The following LRP1B variants were observed in gnomAD, a reference collection of about 807,000 sequenced individuals.
The protein encoded by LRP1B is LDL receptor related protein 1B.
Under a neutral mutation model 556.6 loss-of-function variants are expected in LRP1B, and 217 were observed. That is an observed-to-expected ratio of 0.39 (90% CI 0.35 to 0.44). The LOEUF is 0.44. LRP1B is among the 20% of genes least tolerant of loss of function. LRP1B has a pLI of 1.00. For missense variants in LRP1B, 5,053 were observed against 5,620.8 expected, an observed-to-expected ratio of 0.90 and a Z score of 3.23; for synonymous variants, 2,047 against 1,865.8, an observed-to-expected ratio of 1.10 and a Z score of -2.50.
rs1682380581 is a variant in LRP1B at position 140,359,014 on chromosome 2, TTTTTC to T, written c.11132-73_11132-69del. On this transcript the variant is annotated intron_variant, in intron 72 of 90. Transcript: ENST00000389484. ...ATTGCTTTATGAAGAACATTCTTCC[TTTTTC>T]TTTTATTCTTTTCAAATCCATAAGC... is the stretch of plus-strand genomic sequence containing the variant. 6 of 1,459,614 alleles carry T rather than the reference TTTTTC, an allele frequency of 4.1e-6. No individual in the cohort carries two copies. In the South Asian group the frequency reaches 7.5e-5, roughly 18 times the overall value. The allele number at this position is 1,459,614 out of a possible 1,614,324, so 90.4% of individuals were successfully genotyped here.
intron 1 of LRP1B, among the ~76,000 whole-genome samples, chr2:141,847,748 G>A (rs953942299): frequency 8.6e-5 from 13 of 151,430 alleles, no homozygotes; most frequent in Admixed American, 3.3e-4. Flanking sequence ...AGTACAGAGA[G>A]GAAATTCTCT....
At chr2:141,665,681 T>G (rs997024544) in intron 2 of LRP1B, among the ~76,000 whole-genome samples, 1 of 152,064 alleles carries the variant, frequency 6.6e-6, no homozygotes, top group Non-Finnish European at 1.5e-5. Context: ...TCAACGCAAA[T>G]GCGCATCAAT....
intron 41 of LRP1B, among the ~76,000 whole-genome samples, chr2:140,661,243 T>C (rs950919514): frequency 2.0e-5 from 3 of 152,024 alleles, no homozygotes; most frequent in Admixed American, 6.6e-5. Context: ...GATAGGGATA[T>C]AAAATGAAAA....
At chr2:140,522,523 GA>G (rs1297610936) in intron 49 of LRP1B, among the ~76,000 whole-genome samples, 1 of 151,290 alleles carries the variant, frequency 6.6e-6, no homozygotes, top group Non-Finnish European at 1.5e-5. Flanking sequence ...ACCAAGGAAA[GA>G]AAAAAACTAA....
At chr2:140,869,203 C>A (rs969920848) in intron 25 of LRP1B, among the ~76,000 whole-genome samples, 1 of 152,266 alleles carries the variant, frequency 6.6e-6, no homozygotes, top group Admixed American at 6.5e-5. Context: ...TCCCCTCTTG[C>A]TGTTGAGAGC....
chr2:141,095,960 C>G (rs79518382), intron 7 of LRP1B, among the ~76,000 whole-genome samples: 1 of 152,092 alleles, frequency 6.6e-6, no homozygotes, highest in Non-Finnish European at 1.5e-5. Context: ...ATTCCCCAAA[C>G]TATTCTACTA....
intron 5 of LRP1B, among the ~76,000 whole-genome samples, chr2:141,233,270 A>G (rs1683536948): frequency 6.6e-6 from 1 of 152,208 alleles, no homozygotes; most frequent in Non-Finnish European, 1.5e-5. Flanking sequence ...AACTTAGAGA[A>G]CCAAGACTTT....
chr2:142,079,109 T>C (rs796119867), intron 1 of LRP1B, among the ~76,000 whole-genome samples: 2 of 152,148 alleles, frequency 1.3e-5, no homozygotes, highest in Non-Finnish European at 2.9e-5. Flanking sequence ...TTTTGCAAAA[T>C]AGAAATTACC....
intron 59 of LRP1B, among the ~76,000 whole-genome samples, chr2:140,484,669 A>C (rs896996920): frequency 6.6e-6 from 1 of 152,302 alleles, no homozygotes; most frequent in Non-Finnish European, 1.5e-5. Context: ...CATAATTGAA[A>C]GTGAATTATA....
At chr2:141,640,983 G>A (rs1420217039) in intron 2 of LRP1B, among the ~76,000 whole-genome samples, 1 of 152,100 alleles carries the variant, frequency 6.6e-6, no homozygotes, top group Non-Finnish European at 1.5e-5. Context: ...ACTAGTATAT[G>A]CCCAACGTCT....
rs560884722 is a variant in LRP1B at position 140,698,301 on chromosome 2, C to T, written c.6799+1949G>A. Among the ~76,000 whole-genome samples, 13 of 152,108 alleles carry T rather than the reference C, an allele frequency of 8.5e-5. No individual in the cohort carries two copies. The South Asian group carries it at 2.3e-3, about 27-fold the overall frequency. ...TTATACTCTTAATCATTACTGAAGA[C>T]TCCAGAGTCTGTGTATGTGGGTCAT... On this transcript the variant is annotated intron_variant, in intron 41 of 90. Transcript: ENST00000389484.
intron 35 of LRP1B, among the ~76,000 whole-genome samples, chr2:140,762,669 A>G (rs16844632): frequency 0.04 from 6,051 of 152,170 alleles, 406 homozygotes; most frequent in African/African-American, 0.14. Context: ...TGTTGCCCTT[A>G]GATAAAAATA....
chr2:140,494,074 T>TA (rs978396977), intron 56 of LRP1B, among the ~76,000 whole-genome samples: 2 of 152,204 alleles, frequency 1.3e-5, no homozygotes, highest in Non-Finnish European at 2.9e-5. Flanking sequence ...ATTTCATTTT[T>TA]AAAAAATCTC....
Position 140,351,011 on chromosome 2 carries a change from G to C in LRP1B, c.11678C>G (p.Ala3893Gly), listed in dbSNP as rs1681933853. ...AAAACCCAGGATATCAGTGTCATTA[G>C]CAATGTAGAGAACTTGATCTTCAGA... ...EGSEDQVLYI[A>G]NDTDILGFIY... Residue 3893 changes from alanine to glycine, a missense_variant, in exon 77 of 91, where the codon GCT becomes GGT. Transcript: ENST00000389484. 1 of 1,594,700 alleles carries C rather than the reference G, an allele frequency of 6.3e-7. No individual in the cohort carries two copies. Among genetic ancestry groups the C allele is most frequent in the East Asian group, 2.3e-5 (1 of 44,314 alleles).
chr2:140,285,792 T>C (rs1683121520), intron 84 of LRP1B, among the ~76,000 whole-genome samples: 1 of 151,430 alleles, frequency 6.6e-6, no homozygotes, highest in African/African-American at 2.4e-5. Context: ...AAGACTATTT[T>C]TAAAAATCAT....
intron 78 of LRP1B, 98 bp downstream of exon 78, chr2:140,335,517 C>T: frequency 1.3e-6 from 1 of 742,472 alleles, no homozygotes; most frequent in South Asian, 1.6e-5. Flanking sequence ...GACACTATTA[C>T]ACATTGAACA....
intron 7 of LRP1B, among the ~76,000 whole-genome samples, chr2:141,073,438 A>G (rs1315476880): frequency 6.6e-6 from 1 of 151,866 alleles, no homozygotes; most frequent in Admixed American, 6.6e-5. Context: ...TCTTCTCTCT[A>G]CATCAGGTCC....
chr2:140,619,708 A>C (rs1375756656), intron 41 of LRP1B, among the ~76,000 whole-genome samples: 1 of 152,356 alleles, frequency 6.6e-6, no homozygotes, highest in East Asian at 1.9e-4. Flanking sequence ...GTTGGAAAGA[A>C]GCACTATGGA....
intron 58 of LRP1B, among the ~76,000 whole-genome samples, chr2:140,487,142 T>C (rs1305678228): frequency 2.6e-5 from 4 of 151,898 alleles, no homozygotes; most frequent in African/African-American, 9.7e-5. Flanking sequence ...AATGTGATCC[T>C]CTCCAATCAG....
Sources: allele counts gnomAD v4.1 joint callset (sites outside exome capture counted in the v4.1 genomes callset), GRCh38; gene constraint gnomAD v4.1.1; transcripts MANE v1.5; gene names NCBI Gene and HGNC (gene_info 2026-07-23, HGNC 2026-07-21).